TRAPPC12: variants seen among roughly 807,000 people sequenced by gnomAD.
TRAPPC12 encodes TPR repeat protein 15.
A neutral mutation model predicts 69.2 loss-of-function variants in TRAPPC12; 61 were observed. That is an observed-to-expected ratio of 0.88 (90% CI 0.72 to 1.09). The LOEUF (loss-of-function observed/expected upper bound fraction) is 1.09, where lower values mean the gene tolerates loss of function less well. Among genes scored for constraint, TRAPPC12 ranks in the 50% least tolerant of loss-of-function variants. The probability of loss-of-function intolerance (pLI) is 0.00; values close to 1 mark genes in which losing one functional copy is unlikely to be tolerated. For missense variants in TRAPPC12, 1,101 were observed against 1,016.4 expected (o/e 1.08, Z -1.13); for synonymous variants, 469 against 438.9 (o/e 1.07, Z -0.86).
chr2:3,424,761 A>G, intron 5 of TRAPPC12, 98 bp downstream of exon 5: 6 of 1,340,838 alleles, frequency 4.5e-6, no homozygotes, highest in Non-Finnish European at 5.0e-6. Flanking sequence ...TTCCTTATTT[A>G]TCCAGTCTTG....
intron 2 of TRAPPC12, among the ~76,000 whole-genome samples, chr2:3,400,058 C>T (rs1661351557): frequency 1.3e-5 from 2 of 152,216 alleles, no homozygotes; most frequent in African/African-American, 4.8e-5. Flanking sequence ...TTGAGTCTTT[C>T]TTCTGCTCAC....
At chr2:3,413,316 T>C (rs1662159748) in intron 3 of TRAPPC12, among the ~76,000 whole-genome samples, 1 of 152,224 alleles carries the variant, frequency 6.6e-6, no homozygotes, top group South Asian at 2.1e-4. Flanking sequence ...CAGCTAGTCA[T>C]AGTAGTGGCA....
At chr2:3,451,646 C>G (rs1033565011) in intron 6 of TRAPPC12, among the ~76,000 whole-genome samples, 1 of 152,090 alleles carries the variant, frequency 6.6e-6, no homozygotes, top group African/African-American at 2.4e-5. Flanking sequence ...GCCTCGCCCT[C>G]CTGAGTAGCT....
chr2:3,384,698 A>G (rs1426162953), intron 1 of TRAPPC12, among the ~76,000 whole-genome samples: 2 of 152,200 alleles, frequency 1.3e-5, no homozygotes, highest in South Asian at 2.1e-4. Context: ...ATGTGTGTTC[A>G]TGAGTGAGAT....
At chr2:3,390,643 T>C (rs1044470246) in intron 2 of TRAPPC12, among the ~76,000 whole-genome samples, 1 of 152,226 alleles carries the variant, frequency 6.6e-6, no homozygotes, top group African/African-American at 2.4e-5. Flanking sequence ...CTATTCCGTG[T>C]GATACTTTAA....
At chr2:3,460,459 G>A in intron 8 of TRAPPC12, 123 bp downstream of exon 8, 1 of 654,226 alleles carries the variant, frequency 1.5e-6, no homozygotes, top group East Asian at 2.6e-5. Flanking sequence ...AGCCAGCTAA[G>A]TACTGGCTTA....
rs1660627887 is a variant in TRAPPC12 at position 3,388,447 on chromosome 2, C to T, written c.824C>T (p.Ala275Val). The change falls in exon 2 of 12, where the codon GCG becomes GTG. Residue 275 changes from alanine to valine, a missense_variant. By Grantham distance (64) the Ala-to-Val change is moderately conservative (BLOSUM62 0). Coordinates refer to ENST00000324266, the MANE Select transcript of TRAPPC12 (RefSeq NM_016030.6). ...MRGPQAAAPPASPEPFAHIQA... is the reference protein window; with the variant it reads ...MRGPQAAAPPVSPEPFAHIQA... ...GGGCCCCAGGCAGCTGCGCCCCCGG[C>T]GTCGCCAGAGCCTTTCGCGCACATC... is the stretch of plus-strand genomic sequence containing the variant. 5 of 1,609,378 alleles carry T rather than the reference C, an allele frequency of 3.1e-6. No homozygotes were observed. The highest frequency in any genetic ancestry group is 3.4e-6 in the Non-Finnish European group (4 of 1,178,422).
intron 8 of TRAPPC12, among the ~76,000 whole-genome samples, chr2:3,464,170 ACT>A (rs1330681638): frequency 2.0e-5 from 3 of 151,440 alleles, no homozygotes; most frequent in East Asian, 1.9e-4. Flanking sequence ...ACACGCTCAC[ACT>A]CATACACAAT....
chr2:3,435,476 A>G (rs1393542950), intron 5 of TRAPPC12, among the ~76,000 whole-genome samples: 3 of 152,196 alleles, frequency 2.0e-5, no homozygotes, highest in Non-Finnish European at 4.4e-5. Context: ...CCCAAATGTA[A>G]GGAAGAAATT....
chr2:3,389,522 C>T (rs758967721), intron 2 of TRAPPC12, among the ~76,000 whole-genome samples: 1 of 152,226 alleles, frequency 6.6e-6, no homozygotes, highest in Non-Finnish European at 1.5e-5. Flanking sequence ...GCAACAACCG[C>T]GACCCCGAAG....
intron 6 of TRAPPC12, among the ~76,000 whole-genome samples, chr2:3,452,155 G>C (rs759650236): frequency 6.6e-6 from 1 of 152,078 alleles, no homozygotes; most frequent in Admixed American, 6.5e-5. Flanking sequence ...CTGGGCTCCG[G>C]GAGGCTCCGT....
At chr2:3,442,563 G>A (rs1045395050) in intron 5 of TRAPPC12, among the ~76,000 whole-genome samples, 2 of 152,184 alleles carry the variant, frequency 1.3e-5, no homozygotes, top group Admixed American at 6.5e-5. Context: ...AAATTATTTA[G>A]TGGCATCAAA....
intron 1 of TRAPPC12, 124 bp from the exon 2 acceptor site, chr2:3,387,496 G>A (rs953491146): frequency 4.7e-5 from 38 of 810,364 alleles, no homozygotes; most frequent in Non-Finnish European, 6.9e-5. Context: ...ATAATCAAAA[G>A]CACATGGATA....
intron 3 of TRAPPC12, among the ~76,000 whole-genome samples, chr2:3,417,069 G>A (rs1344388059): frequency 1.3e-5 from 2 of 152,152 alleles, no homozygotes; most frequent in East Asian, 3.9e-4. Flanking sequence ...TGCATCTCCA[G>A]TGTCTTCTCT....
At chr2:3,416,178 G>C (rs746014712) in intron 3 of TRAPPC12, among the ~76,000 whole-genome samples, 3 of 152,170 alleles carry the variant, frequency 2.0e-5, no homozygotes, top group Non-Finnish European at 4.4e-5. Context: ...CTCCTCTTAG[G>C]TGCTTAGTAG....
intron 5 of TRAPPC12, 100 bp from the exon 6 acceptor site, chr2:3,443,679 C>A: frequency 1.2e-6 from 1 of 842,422 alleles, no homozygotes; most frequent in Non-Finnish European, 2.0e-6. Context: ...TCTGTCATCA[C>A]TTCTGCTGGG....
chr2:3,479,164 G>T, intron 11 of TRAPPC12, 55 bp from the exon 12 acceptor site: 1 of 1,581,626 alleles, frequency 6.3e-7, no homozygotes, highest in South Asian at 1.2e-5. Flanking sequence ...GCCTGGAATG[G>T]GCGGGCGTCT....
chr2:3,410,497 T>G (rs1478490173), intron 3 of TRAPPC12, among the ~76,000 whole-genome samples: 1 of 152,218 alleles, frequency 6.6e-6, no homozygotes, highest in Non-Finnish European at 1.5e-5. Flanking sequence ...TTTACTATTT[T>G]TAATCATTTA....
chr2:3,438,458 CCCCTGGATTAATACCCCCACCAG>C (rs1368066215), intron 5 of TRAPPC12, among the ~76,000 whole-genome samples: 1 of 145,078 alleles, frequency 6.9e-6, no homozygotes, highest in Non-Finnish European at 1.5e-5. Flanking sequence ...ACCCCCATCA[CCCCTGGATTAATACCCCCACCAG>C]CCCTGGATTA....
Sources: gnomAD v4.1 joint callset for allele counts (sites outside exome capture counted in the v4.1 genomes callset) on GRCh38, gnomAD v4.1.1 for gene constraint, MANE v1.5 for transcripts, NCBI Gene and HGNC (gene_info 2026-07-23, HGNC 2026-07-21) for gene names.